The following CCNB3 variants were observed in gnomAD, a reference collection of about 807,000 sequenced individuals.
The protein encoded by CCNB3 is cyclin B3.
CCNB3 carries 12 observed loss-of-function variants against 68.0 expected under a neutral mutation model. The ratio of observed to expected loss-of-function variants is 0.18; its 90% confidence interval spans 0.11 to 0.29. The LOEUF (loss-of-function observed/expected upper bound fraction) is 0.29, where lower values mean the gene tolerates loss of function less well. CCNB3 is among the 10% of genes least tolerant of loss of function. The pLI, the probability that CCNB3 is intolerant of heterozygous loss-of-function variation, is 1.00. For missense variants in CCNB3, 904 were observed against 993.1 expected (o/e 0.91, Z 1.21); for synonymous variants, 354 against 388.9 (o/e 0.91, Z 1.06).
intron 1 of CCNB3, among the ~76,000 whole-genome samples, chrX:50,228,574 T>G (rs1177749306): frequency 2.4e-5 from 2 of 83,271 alleles, no homozygotes; most frequent in African/African-American, 9.7e-5. Context: ...AGATAATATA[T>G]AGAATATATA....
chrX:50,280,096 A>AAT (rs1291885309), intron 1 of CCNB3, among the ~76,000 whole-genome samples: 194 of 86,313 alleles, frequency 2.2e-3, no homozygotes, highest in African/African-American at 7.7e-3. Context: ...AATACATATA[A>AAT]ATATATATAT....
intron 1 of CCNB3, among the ~76,000 whole-genome samples, chrX:50,282,157 T>C (rs1205729505): frequency 1.8e-5 from 2 of 111,645 alleles, no homozygotes; most frequent in Admixed American, 9.6e-5. Context: ...GCTTGTCCAT[T>C]GACCACATTG....
rs1935841687 is a variant in CCNB3, at chrX:50,226,844, TATATATAGAATATATATAGA to T, written c.-113+21923_-113+21942del. On this transcript the variant is annotated intron_variant, in intron 1 of 12. Transcript: ENST00000376042. The stretch of plus-strand genomic sequence containing the variant: ...AATATATACATGAATATATATAGTA[TATATATAGAATATATATAGA>T]ATATATAGAATATATATAGAATATA... Among the ~76,000 whole-genome samples, 309 of 75,872 alleles carry T rather than the reference TATATATAGAATATATATAGA, an allele frequency of 4.1e-3. 5 individuals carry two copies. The highest frequency in any genetic ancestry group is 0.011 in the African/African-American group (199 of 18,027). The allele number at this position is 75,872 out of a possible 115,157, so 65.9% of individuals were successfully genotyped here. A position where few individuals can be genotyped will look rare whatever the true frequency, so the allele number is the denominator to read the frequency against.
intron 3 of CCNB3, 112 bp from the exon 4 acceptor site, chrX:50,288,668 T>A: frequency 2.1e-6 from 1 of 470,226 alleles, no homozygotes; most frequent in Non-Finnish European, 3.7e-6. Flanking sequence ...ATTATATGCA[T>A]CCTCAGTTAC....
intron 1 of CCNB3, among the ~76,000 whole-genome samples, chrX:50,227,983 T>C (rs1247993091): frequency 1.2e-5 from 1 of 86,324 alleles, no homozygotes; most frequent in Non-Finnish European, 2.1e-5. Flanking sequence ...AGAGAGAATA[T>C]ATATAAATAT....
chrX:50,318,213 TAAAA>T (rs782490765), intron 8 of CCNB3, among the ~76,000 whole-genome samples: 2,386 of 94,185 alleles, frequency 0.025, 58 homozygotes, highest in African/African-American at 0.088. Context: ...ACTCTATTCT[TAAAA>T]AAAAAAAAAA....
chrX:50,346,823 C>T lies in CCNB3; in HGVS notation c.3810+16C>T. Reference sequence around the variant, plus strand: ...ATATGCTAGGGTAAGAGAGAAGAGACACATCTTCATTCTCCCACTGCTGAG... The same window carrying T: ...ATATGCTAGGGTAAGAGAGAAGAGATACATCTTCATTCTCCCACTGCTGAG... On this transcript the variant is annotated intron_variant, in intron 10 of 12. Transcript: ENST00000376042. The T allele has an allele frequency of 1.7e-6, 2 of 1,200,953 alleles. No homozygotes were observed.
intron 5 of CCNB3, among the ~76,000 whole-genome samples, chrX:50,302,046 AC>A (rs1199405869): frequency 1.8e-5 from 2 of 112,327 alleles, no homozygotes; most frequent in Non-Finnish European, 3.8e-5. Context: ...CCTTTCTTTG[AC>A]TAGGAAAGGG....
chrX:50,279,460 A>T (rs1165369487), intron 1 of CCNB3, among the ~76,000 whole-genome samples: 12 of 78,465 alleles, frequency 1.5e-4, no homozygotes, highest in African/African-American at 4.7e-4. Flanking sequence ...ATAAATATAT[A>T]TAAATATATA....
intron 1 of CCNB3, among the ~76,000 whole-genome samples, chrX:50,281,481 G>A (rs1936135411): frequency 9.0e-6 from 1 of 111,351 alleles, no homozygotes; most frequent in South Asian, 3.9e-4. Flanking sequence ...TCCAGCGTCC[G>A]GCTCTGTCGC....
chrX:50,319,816 T>C (rs1921923585), intron 8 of CCNB3, among the ~76,000 whole-genome samples: 1 of 111,998 alleles, frequency 8.9e-6, no homozygotes. Flanking sequence ...ATATATTTTT[T>C]TATCATGAAT....
intron 5 of CCNB3, among the ~76,000 whole-genome samples, chrX:50,302,782 G>T (rs1557212944): frequency 8.9e-6 from 1 of 111,826 alleles, no homozygotes; most frequent in East Asian, 2.8e-4. Context: ...ATAGCAGGTT[G>T]TCAGTACTTC....
At chrX:50,346,167 C>T (rs1224438060) in intron 9 of CCNB3, among the ~76,000 whole-genome samples, 1 of 112,363 alleles carries the variant, frequency 8.9e-6, no homozygotes, top group African/African-American at 3.2e-5. Context: ...GTCTGCCTCT[C>T]CACTTCTCTC....
chrX:50,307,313 GATATT>G (rs1300453176), intron 5 of CCNB3, among the ~76,000 whole-genome samples: 7 of 111,319 alleles, frequency 6.3e-5, no homozygotes, highest in Non-Finnish European at 1.1e-4. Context: ...CTATGAAGGA[GATATT>G]ATGATCCTCA....
At chrX:50,329,338 G>T in intron 8 of CCNB3, among the ~76,000 whole-genome samples, 1 of 112,883 alleles carries the variant, frequency 8.9e-6, no homozygotes. Context: ...ATTCAGCCTG[G>T]ACATCCAGGT....
At chrX:50,282,102 C>G (rs765854770) in intron 1 of CCNB3, among the ~76,000 whole-genome samples, 1 of 111,593 alleles carries the variant, frequency 9.0e-6, no homozygotes, top group East Asian at 2.8e-4. Context: ...AGTTTGGGGC[C>G]TGAGGTTTTA....
intron 4 of CCNB3, among the ~76,000 whole-genome samples, chrX:50,292,704 G>C (rs1052221596): frequency 6.3e-5 from 7 of 111,315 alleles, no homozygotes; most frequent in African/African-American, 2.3e-4. Context: ...ATTTTCCAGA[G>C]GTTTACTGTT....
intron 1 of CCNB3, among the ~76,000 whole-genome samples, chrX:50,227,482 G>A (rs1935897414): frequency 1.3e-5 from 1 of 77,791 alleles, no homozygotes; most frequent in African/African-American, 4.7e-5. Context: ...AATATATATA[G>A]ACAGAATATA....
chrX:50,336,516 T>C (rs922065879), intron 8 of CCNB3, among the ~76,000 whole-genome samples: 1 of 112,237 alleles, frequency 8.9e-6, no homozygotes, highest in African/African-American at 3.2e-5. Context: ...TCTCCTGATA[T>C]CTTCCACACT....
Sources: gnomAD v4.1 joint callset for allele counts (sites outside exome capture counted in the v4.1 genomes callset) on GRCh38, gnomAD v4.1.1 for gene constraint, MANE v1.5 for transcripts, NCBI Gene and HGNC (gene_info 2026-07-23, HGNC 2026-07-21) for gene names.